Variants in ZWILCH observed in about 807,000 individuals in gnomAD.
ZWILCH encodes protein zwilch homolog.
Under a neutral mutation model 79.9 loss-of-function variants are expected in ZWILCH, and 74 were observed. The observed-to-expected ratio is 0.93, with a 90% CI of 0.77 to 1.12. The LOEUF (loss-of-function observed/expected upper bound fraction) is 1.12, where lower values mean the gene tolerates loss of function less well. Ranked by LOEUF, ZWILCH falls within the 50% of genes most tolerant of loss-of-function variation. The pLI is 0.00. For synonymous variants in ZWILCH, 241 were observed against 228.2 expected, an observed-to-expected ratio of 1.06 and a Z score of -0.51; for missense variants, 694 against 687.5, an observed-to-expected ratio of 1.01 and a Z score of -0.11.
At chr15:66,527,676 G>T (rs1434672138) in intron 9 of ZWILCH, among the ~76,000 whole-genome samples, 181 bp from the exon 10 acceptor site, 2 of 152,064 alleles carry the variant, frequency 1.3e-5, no homozygotes, top group Non-Finnish European at 2.9e-5. Context: ...TGTTACCTCC[G>T]TTCATCCTCA....
At position 66,544,724 on chromosome 15, in the gene ZWILCH, T is replaced by TTGTGTGTGTGTGTGTGTGTGTGTGTGTG. The variant is rs1555426547; in HGVS notation, c.1688-1859_1688-1832dup. The stretch of plus-strand genomic sequence containing the variant: ...TGTTTTTTTGTTGTTTTTTTGGTTT[T>TTGTGTGTGTGTGTGTGTGTGTGTGTGTG]TGTGTGTGTGTGTGTGTGTGTGTGT... On this transcript the variant is annotated intron_variant, in intron 17 of 18. Coordinates refer to ENST00000307897, the MANE Select transcript of ZWILCH (RefSeq NM_017975.5). 7.0e-5 allele frequency among the ~76,000 whole-genome samples: 9 copies of TTGTGTGTGTGTGTGTGTGTGTGTGTGTG among 128,544 alleles called. 1 individual carries two copies. The highest frequency in any genetic ancestry group is 2.5e-4 in the African/African-American group (8 of 32,554). 84.3% of individuals were successfully genotyped at this position (128,544 alleles called of 152,430 possible).
At position 66,528,871 on chromosome 15, in the gene ZWILCH, C is replaced by T. The variant is rs760072320; in HGVS notation, c.989C>T (p.Ala330Val). 2 of 1,613,868 alleles carry T rather than the reference C, an allele frequency of 1.2e-6. No individual in the cohort carries two copies. Residue 330 changes from alanine to valine, a missense_variant, in exon 11 of 19, where the codon GCT becomes GTT. Transcript: ENST00000307897. ...TTTCAGACCTTGAAGCATGACACTGCTGCAGTCGATCGTTCCGTCAAGCGT... is the reference window on the plus strand; with the variant it reads ...TTTCAGACCTTGAAGCATGACACTGTTGCAGTCGATCGTTCCGTCAAGCGT... ...TEVETLKHDT[A>V]AVDRSVKRLF...
rs1430596952 is a variant in ZWILCH at position 66,505,358 on chromosome 15, G to A, written c.20G>A (p.Cys7Tyr). The A allele has an allele frequency of 6.2e-7, 1 of 1,614,104 alleles. No individual in the cohort carries two copies. The highest frequency in any genetic ancestry group is 8.5e-7 in the Non-Finnish European group (1 of 1,180,010). MWERLN[C>Y]AAEDFYSRLL... is the part of the protein sequence containing the mutation. ...GGCGGGATGTGGGAGCGGCTGAACT[G>A]CGCAGCAGAGGACTTTTATTCTCGT... Residue 7 changes from cysteine to tyrosine, a missense_variant, in exon 1 of 19, where the codon TGC becomes TAC. Transcript: ENST00000307897.
chr15:66,513,927 T>C (rs926694627), intron 2 of ZWILCH, 61 bp from the exon 3 acceptor site: 1 of 1,311,826 alleles, frequency 7.6e-7, no homozygotes, highest in Non-Finnish European at 1.1e-6. Flanking sequence ...GGTCTTTATG[T>C]GTTTAGATAG....
intron 8 of ZWILCH, among the ~76,000 whole-genome samples, chr15:66,525,350 A>G (rs1158179391): frequency 1.3e-5 from 2 of 152,234 alleles, no homozygotes; most frequent in Non-Finnish European, 2.9e-5. Flanking sequence ...GTCTAATTCA[A>G]GTCTCCCTTA....
At chr15:66,537,773 T>C (rs1256610085) in intron 16 of ZWILCH, among the ~76,000 whole-genome samples, 1 of 152,080 alleles carries the variant, frequency 6.6e-6, no homozygotes, top group Admixed American at 6.6e-5. Context: ...GCAATTTCAG[T>C]GTTCATATTC....
intron 14 of ZWILCH, among the ~76,000 whole-genome samples, chr15:66,535,585 A>T (rs1364872467): frequency 1.3e-5 from 2 of 151,792 alleles, no homozygotes; most frequent in Admixed American, 6.6e-5. Context: ...CTAAGGCGGG[A>T]GAATCACTTG....
chr15:66,533,887 A>G (rs1176766219), intron 14 of ZWILCH, among the ~76,000 whole-genome samples: 1 of 152,114 alleles, frequency 6.6e-6, no homozygotes, highest in Non-Finnish European at 1.5e-5. Context: ...TGGGAGGATC[A>G]CTTGAGCCCA....
chr15:66,521,486 G>A (rs1894491911), intron 7 of ZWILCH, among the ~76,000 whole-genome samples: 2 of 151,828 alleles, frequency 1.3e-5, no homozygotes, highest in Non-Finnish European at 2.9e-5. Flanking sequence ...GTGAATCCGT[G>A]TTTTTGTTTG....
Position 66,546,575 on chromosome 15 carries a change from C to A in ZWILCH, c.1688-16C>A. The A allele has an allele frequency of 6.3e-7, 1 of 1,586,184 alleles. No individual in the cohort carries two copies. The highest frequency in any genetic ancestry group is 1.1e-5 in the South Asian group (1 of 88,414). On this transcript the variant is annotated splice_polypyrimidine_tract_variant and intron_variant, in intron 17 of 18. Coordinates refer to ENST00000307897, the MANE Select transcript of ZWILCH (RefSeq NM_017975.5). ...GGTGTTAAGCAATTCTGATCTCACT[C>A]TCTTTTTGATTACAGATTTTTCGGA...
At chr15:66,508,051 A>G (rs1349984970) in intron 1 of ZWILCH, among the ~76,000 whole-genome samples, 1 of 152,230 alleles carries the variant, frequency 6.6e-6, no homozygotes, top group Non-Finnish European at 1.5e-5. Context: ...TGAATCAGTC[A>G]TAGGCCTAGC....
intron 1 of ZWILCH, among the ~76,000 whole-genome samples, chr15:66,507,099 G>T (rs1893857256): frequency 6.6e-6 from 1 of 152,132 alleles, no homozygotes; most frequent in Non-Finnish European, 1.5e-5. Context: ...TTGACCTCGT[G>T]ATCCACCCAC....
At chr15:66,505,527 G>C in intron 1 of ZWILCH, 136 bp downstream of exon 1, 1 of 1,048,714 alleles carries the variant, frequency 9.5e-7, no homozygotes, top group Non-Finnish European at 1.4e-6. Flanking sequence ...AGGAGTTGGG[G>C]AGAGGCCGGT....
At chr15:66,508,700 A>G (rs1270943716) in intron 1 of ZWILCH, 141 bp from the exon 2 acceptor site, 2 of 1,398,138 alleles carry the variant, frequency 1.4e-6, no homozygotes, top group African/African-American at 2.9e-5. Context: ...CTCTGCAACT[A>G]CATCTTAGGG....
rs190141149 is a variant in ZWILCH at position 66,536,381 on chromosome 15, T to C, written c.1478+312T>C. On this transcript the variant is annotated intron_variant, in intron 15 of 18. Transcript: ENST00000307897. Reference sequence around the variant, plus strand: ...AAATACTAGTTCCTTCTCTTCTTTATATCCCTGTCAATTTGGGTCAAAATA... The same window carrying C: ...AAATACTAGTTCCTTCTCTTCTTTACATCCCTGTCAATTTGGGTCAAAATA... 4.2e-4 allele frequency among the ~76,000 whole-genome samples: 64 copies of C among 152,368 alleles called. 2 individuals carry two copies. The Middle Eastern group carries it at 0.014, about 32-fold the overall frequency.
chr15:66,505,422 C>G, intron 1 of ZWILCH, 31 bp downstream of exon 1: 1 of 1,612,586 alleles, frequency 6.2e-7, no homozygotes, highest in Non-Finnish European at 8.5e-7. Flanking sequence ...TGGCTGGGGT[C>G]CTGGGACAGC....
intron 7 of ZWILCH, 75 bp downstream of exon 7, chr15:66,521,280 T>G (rs1311897238): frequency 2.0e-6 from 3 of 1,536,970 alleles, no homozygotes; most frequent in South Asian, 1.2e-5. Flanking sequence ...TTGCTGGTGC[T>G]CCATGCCTCT....
intron 14 of ZWILCH, among the ~76,000 whole-genome samples, chr15:66,534,036 G>A (rs1043006370): frequency 2.0e-5 from 3 of 152,120 alleles, no homozygotes; most frequent in African/African-American, 7.2e-5. Flanking sequence ...AGCCGGGGAA[G>A]TTGAAGCTGC....
At chr15:66,512,548 T>C (rs1894106152) in intron 2 of ZWILCH, among the ~76,000 whole-genome samples, 1 of 151,920 alleles carries the variant, frequency 6.6e-6, no homozygotes. Context: ...GTGTCCAGCA[T>C]ATATTTATAT....
Sources: allele counts gnomAD v4.1 joint callset (sites outside exome capture counted in the v4.1 genomes callset), GRCh38; gene constraint gnomAD v4.1.1; transcripts MANE v1.5; gene names NCBI Gene and HGNC (gene_info 2026-07-23, HGNC 2026-07-21).